Variants in CD82 observed in about 807,000 individuals in gnomAD.
The protein encoded by CD82 is CD82 molecule.
Under a neutral mutation model 37.4 loss-of-function variants are expected in CD82, and 36 were observed. The observed-to-expected ratio is 0.96, with a 90% CI of 0.74 to 1.27. The LOEUF (loss-of-function observed/expected upper bound fraction) is 1.27, where lower values mean the gene tolerates loss of function less well. Ranked by LOEUF, CD82 falls within the 50% of genes most tolerant of loss-of-function variation. CD82 has a pLI of 0.00. For missense variants in CD82, 340 were observed against 347.0 expected (o/e 0.98, Z 0.16); for synonymous variants, 158 against 137.4 (o/e 1.15, Z -1.05).
At chr11:44,601,275 G>A (rs1157442807) in intron 4 of CD82, among the ~76,000 whole-genome samples, 7 of 151,998 alleles carry the variant, frequency 4.6e-5, no homozygotes, top group Non-Finnish European at 1.0e-4. Context: ...ATGATGGAGG[G>A]GCCACATCTG....
At position 44,576,811 on chromosome 11, in the gene CD82, C is replaced by T. The variant is rs534338645; in HGVS notation, c.-102-10664C>T. On this transcript the variant is annotated intron_variant, in intron 1 of 9. Coordinates refer to ENST00000227155, the MANE Select transcript of CD82 (RefSeq NM_002231.4). ...CCTTCCAGCACCCTGTGAAATAGGGCGGGCATTATTACTAAGCCCATTTTC... is the reference window on the plus strand; with the variant it reads ...CCTTCCAGCACCCTGTGAAATAGGGTGGGCATTATTACTAAGCCCATTTTC... Among the ~76,000 whole-genome samples the T allele has an allele frequency of 6.6e-5, 10 of 152,254 alleles. No individual in the cohort carries two copies. In the East Asian group the frequency reaches 1.7e-3, roughly 26 times the overall value.
intron 6 of CD82, among the ~76,000 whole-genome samples, chr11:44,605,819 C>T (rs747709779): frequency 6.6e-6 from 1 of 152,178 alleles, no homozygotes; most frequent in African/African-American, 2.4e-5. Flanking sequence ...CATAAGTACT[C>T]AATAAATGTT....
In CD82 at chr11:44,588,443, C is replaced by T. The variant is rs1356962039; in HGVS notation, c.-21+887C>T. On this transcript the variant is annotated intron_variant, in intron 2 of 9. Transcript: ENST00000227155. ...TTCACCATGTTGGCCAGGCTGGTCT[C>T]GAACTCCTGACCTCGTGATCCGCCC... Among the ~76,000 whole-genome samples the T allele has an allele frequency of 8.5e-5, 13 of 152,056 alleles. No homozygotes were observed. In the East Asian group the frequency reaches 1.2e-3, roughly 14 times the overall value.
chr11:44,594,885 G>A, intron 3 of CD82, 160 bp downstream of exon 3: 1 of 637,678 alleles, frequency 1.6e-6, no homozygotes, highest in Non-Finnish European at 2.9e-6. Context: ...AGTTGGGGTG[G>A]TGAGGAGATT....
chr11:44,567,850 A>G (rs923659985), intron 1 of CD82, among the ~76,000 whole-genome samples: 1 of 152,258 alleles, frequency 6.6e-6, no homozygotes, highest in African/African-American at 2.4e-5. Flanking sequence ...AGGGCCTTAC[A>G]GACTGGGAAG....
Position 44,597,077 on chromosome 11 carries a change from C to T in CD82, c.63+2352C>T, listed in dbSNP as rs575372226. ...GCACCTCCCCAGGCATAGACCCGGC[C>T]AGCCTGCCTCTTTGTTTTATGCACA... On this transcript the variant is annotated intron_variant, in intron 3 of 9. Coordinates refer to ENST00000227155, the MANE Select transcript of CD82 (RefSeq NM_002231.4). The surrounding 1 kb of genome is among the most constrained non-coding windows in gnomAD (Gnocchi z 4.1). 14 of 453,304 alleles carry T rather than the reference C, an allele frequency of 3.1e-5. No homozygotes were observed. Among genetic ancestry groups the T allele is most frequent in the Non-Finnish European group, 5.8e-5 (13 of 226,046 alleles). The allele number at this position is 453,304 out of a possible 1,614,324, so 28.1% of individuals were successfully genotyped here. A position where few individuals can be genotyped will look rare whatever the true frequency, so the allele number is the denominator to read the frequency against.
chr11:44,609,230 C>G (rs1268009418), intron 6 of CD82, among the ~76,000 whole-genome samples: 3 of 152,200 alleles, frequency 2.0e-5, no homozygotes, highest in Non-Finnish European at 4.4e-5. Flanking sequence ...TACCCAGACT[C>G]TCTGATCCAC....
chr11:44,577,205 C>T (rs1428528174), intron 1 of CD82, among the ~76,000 whole-genome samples: 2 of 152,178 alleles, frequency 1.3e-5, no homozygotes, highest in Admixed American at 6.5e-5. Flanking sequence ...GGGTTCAGCC[C>T]AGGTTTTCCT....
At position 44,611,084 on chromosome 11, in the gene CD82, T is replaced by C. The variant is rs893403078; in HGVS notation, c.337-4188T>C. Among the ~76,000 whole-genome samples the C allele has an allele frequency of 3.9e-5, 6 of 152,152 alleles. 1 individual carries two copies. On this transcript the variant is annotated intron_variant, in intron 6 of 9. Transcript: ENST00000227155. ...TCCTGACCTCAAGTGATCTGCCCATTTCGGCCTCCCAAAGTGTTGGGATTA... is the reference window on the plus strand; with the variant it reads ...TCCTGACCTCAAGTGATCTGCCCATCTCGGCCTCCCAAAGTGTTGGGATTA...
chr11:44,607,145 A>G (rs1237561693), intron 6 of CD82, among the ~76,000 whole-genome samples: 1 of 152,254 alleles, frequency 6.6e-6, no homozygotes, highest in African/African-American at 2.4e-5. Flanking sequence ...AAGTTGCCTG[A>G]GATCCCTCTT....
chr11:44,600,185 G>A lies in CD82; in HGVS notation c.91G>A (p.Gly31Arg), dbSNP rs554121820. 101 of 1,614,110 alleles carry A rather than the reference G, an allele frequency of 6.3e-5. 2 individuals are homozygous for A. In the South Asian group the frequency reaches 8.6e-4, roughly 14 times the overall value. Reference protein sequence around the residue: ...FILGAVILGFGVWILADKSSF... With the variant: ...FILGAVILGFRVWILADKSSF... Reference sequence around the variant, plus strand: ...CCTGGGCGCAGTGATCCTGGGCTTCGGGGTGTGGATCCTGGCCGACAAGAG... The same window carrying A: ...CCTGGGCGCAGTGATCCTGGGCTTCAGGGTGTGGATCCTGGCCGACAAGAG... The change falls in exon 4 of 10, where the codon GGG (glycine) becomes AGG (arginine). Residue 31 changes from glycine (G) to arginine (R), a missense_variant. Gly to Arg is a moderately radical substitution (Grantham distance 125). Coordinates refer to ENST00000227155, the MANE Select transcript of CD82 (RefSeq NM_002231.4).
chr11:44,585,256 G>A (rs1853037134), intron 1 of CD82: 5 of 456,326 alleles, frequency 1.1e-5, no homozygotes, highest in Non-Finnish European at 2.2e-5. Flanking sequence ...GGTCAGGAAA[G>A]CAACAACTTT....
chr11:44,590,325 T>C (rs1279545939), intron 2 of CD82, among the ~76,000 whole-genome samples: 1 of 151,782 alleles, frequency 6.6e-6, no homozygotes, highest in African/African-American at 2.4e-5. Context: ...ATATGAAATC[T>C]GGGCCGGGCA....
chr11:44,615,324 G>C lies in CD82; in HGVS notation c.389G>C (p.Ser130Thr). 1.2e-6 allele frequency: 2 copies of C among 1,613,876 alleles called. No individual in the cohort carries two copies. The highest frequency in any genetic ancestry group is 2.7e-5 in the African/African-American group (2 of 75,052). Residue 130 changes from serine to threonine, a missense_variant, in exon 7 of 10, where the codon AGC (serine) becomes ACC (threonine). Ser to Thr is a moderately conservative substitution (Grantham distance 58). Transcript: ENST00000227155. ...ACTGAGCTCATTCGAGACTACAACA[G>C]CAGTCGCGAGGACAGCCTGCAGGAT... is the stretch of plus-strand genomic sequence containing the variant. ...IVTELIRDYN[S>T]SREDSLQDAW... is the part of the protein sequence containing the mutation.
At chr11:44,616,017 C>T (rs189902470) in intron 7 of CD82, among the ~76,000 whole-genome samples, 1 of 152,274 alleles carries the variant, frequency 6.6e-6, no homozygotes, top group African/African-American at 2.4e-5. Flanking sequence ...GACCACCTGG[C>T]TCTCCTTTCT....
chr11:44,611,031 C>T (rs920170756), intron 6 of CD82, among the ~76,000 whole-genome samples: 1 of 152,126 alleles, frequency 6.6e-6, no homozygotes, highest in Non-Finnish European at 1.5e-5. Flanking sequence ...GATGGGGTTT[C>T]ACCATGTTGG....
intron 6 of CD82, among the ~76,000 whole-genome samples, chr11:44,613,086 G>C (rs976738121): frequency 6.6e-6 from 1 of 152,174 alleles, no homozygotes; most frequent in Non-Finnish European, 1.5e-5. Flanking sequence ...TGGGAGTCAG[G>C]CTCTGAAACC....
intron 2 of CD82, among the ~76,000 whole-genome samples, chr11:44,589,697 G>A (rs113054362): frequency 0.012 from 1,792 of 152,310 alleles, 42 homozygotes; most frequent in African/African-American, 0.042. Context: ...CCACACATTG[G>A]CAAAGCCAGG....
At position 44,618,378 on chromosome 11, in the gene CD82, C is replaced by T. The variant is rs562960608; in HGVS notation, c.642+13C>T. 8 of 1,609,026 alleles carry T rather than the reference C, an allele frequency of 5.0e-6. No homozygotes were observed. In the South Asian group the frequency reaches 7.7e-5, roughly 15 times the overall value. ...TGTGTACCAGGAGGTGTGCGGGGGG[C>T]TGCGGATCGGGGGCGGGGCTCCGAG... On this transcript the variant is annotated intron_variant, in intron 8 of 9. Coordinates refer to ENST00000227155, the MANE Select transcript of CD82 (RefSeq NM_002231.4).
Sources: allele counts gnomAD v4.1 joint callset (sites outside exome capture counted in the v4.1 genomes callset), GRCh38; gene constraint gnomAD v4.1.1; non-coding constraint Gnocchi (gnomAD v3.1); transcripts MANE v1.5; gene names NCBI Gene and HGNC (gene_info 2026-07-23, HGNC 2026-07-21).